The following RAB28 variants were observed in gnomAD, a reference collection of about 807,000 sequenced individuals.
RAB28 encodes RAB28, member RAS oncogene family.
A neutral mutation model predicts 31.7 loss-of-function variants in RAB28; 24 were observed. The observed-to-expected ratio is 0.76, with a 90% confidence interval of 0.55 to 1.06. RAB28 has a LOEUF of 1.06. Ranked by LOEUF, RAB28 falls within the 50% of genes least tolerant of loss-of-function variation. The probability of loss-of-function intolerance (pLI) is 0.00; values close to 1 mark genes in which losing one functional copy is unlikely to be tolerated. For missense variants in RAB28, 254 were observed against 258.5 expected, an observed-to-expected ratio of 0.98 and a Z score of 0.12; for synonymous variants, 100 against 90.4, an observed-to-expected ratio of 1.11 and a Z score of -0.60.
At chr4:13,475,901 C>A (rs1029174628) in intron 2 of RAB28, among the ~76,000 whole-genome samples, 2 of 151,486 alleles carry the variant, frequency 1.3e-5, no homozygotes, top group African/African-American at 4.8e-5. Flanking sequence ...GGCTAGCCAT[C>A]ACTAAGAAGT....
Position 13,484,125 on chromosome 4 carries a change from T to C in RAB28, c.26A>G (p.Gln9Arg). The C allele has an allele frequency of 6.3e-7, 1 of 1,597,956 alleles. No homozygotes were observed. The highest frequency in any genetic ancestry group is 1.1e-5 in the South Asian group (1 of 88,526). Residue 9 changes from glutamine (Q) to arginine (R), a missense_variant, in exon 1 of 7, where the codon CAG becomes CGG. Gln to Arg is a conservative substitution (Grantham distance 43). Transcript: ENST00000330852. Reference sequence around the variant, plus strand: ...CACGACGATTTTCAGTTGCCGGTCCTGGCTCTCCTCCTCAGAGTCCGACAT... The same window carrying C: ...CACGACGATTTTCAGTTGCCGGTCCCGGCTCTCCTCCTCAGAGTCCGACAT... The part of the protein sequence containing the change: MSDSEEES[Q>R]DRQLKIVVLG...
intron 4 of RAB28, among the ~76,000 whole-genome samples, chr4:13,424,479 C>A (rs73819850): frequency 0.061 from 9,226 of 152,224 alleles, 653 homozygotes; most frequent in African/African-American, 0.17. Flanking sequence ...GGTCCACCCT[C>A]ATCAAATATT....
chr4:13,472,616 A>C (rs1716171079), intron 3 of RAB28, among the ~76,000 whole-genome samples: 1 of 151,878 alleles, frequency 6.6e-6, no homozygotes, highest in African/African-American at 2.4e-5. Context: ...TTTGACACCA[A>C]GAGTCAAATT....
chr4:13,420,436 C>T (rs1452532297), intron 4 of RAB28, among the ~76,000 whole-genome samples: 2 of 152,138 alleles, frequency 1.3e-5, no homozygotes, highest in African/African-American at 4.8e-5. Context: ...ATACCAAAGC[C>T]TGGCAGAGAC....
At chr4:13,435,754 C>T (rs1041462277) in intron 4 of RAB28, among the ~76,000 whole-genome samples, 9 of 151,976 alleles carry the variant, frequency 5.9e-5, no homozygotes, top group Non-Finnish European at 1.0e-4. Flanking sequence ...CAAATACTGC[C>T]GCGGACCAGA....
chr4:13,392,426 G>T (rs1386618775), intron 4 of RAB28, among the ~76,000 whole-genome samples: 2 of 152,078 alleles, frequency 1.3e-5, no homozygotes, highest in African/African-American at 4.8e-5. Context: ...TTATATACAA[G>T]AATTTGTCCC....
chr4:13,437,918 A>C (rs1379485510), intron 4 of RAB28, among the ~76,000 whole-genome samples: 1 of 152,198 alleles, frequency 6.6e-6, no homozygotes, highest in Non-Finnish European at 1.5e-5. Context: ...AATACTATTC[A>C]CAATAGTGAA....
At chr4:13,396,380 T>C (rs1300759796) in intron 4 of RAB28, among the ~76,000 whole-genome samples, 1 of 152,068 alleles carries the variant, frequency 6.6e-6, no homozygotes, top group Non-Finnish European at 1.5e-5. Flanking sequence ...TTGTTATTAG[T>C]TGAAGACAGA....
chr4:13,377,461 T>C (rs1276233601), intron 5 of RAB28, among the ~76,000 whole-genome samples: 1 of 152,222 alleles, frequency 6.6e-6, no homozygotes, highest in Admixed American at 6.5e-5. Context: ...AAGAAGCATA[T>C]TTTAGTTCAC....
chr4:13,376,636 A>T lies in RAB28; in HGVS notation c.496-14T>A. 6.4e-7 allele frequency: 1 copy of T among 1,557,488 alleles called. No individual in the cohort carries two copies. The highest frequency in any genetic ancestry group is 8.7e-7 in the Non-Finnish European group (1 of 1,149,130). Reference sequence around the variant, plus strand: ...GCACAGGAAGACCTACATAACAAAAATGGGTTTAAATGATTTAAAAGAGGC... The same window carrying T: ...GCACAGGAAGACCTACATAACAAAATTGGGTTTAAATGATTTAAAAGAGGC... On this transcript the variant is annotated splice_polypyrimidine_tract_variant and intron_variant, in intron 5 of 6. Transcript: ENST00000330852.
chr4:13,447,539 T>C (rs1354994612), intron 4 of RAB28, among the ~76,000 whole-genome samples: 2 of 152,198 alleles, frequency 1.3e-5, no homozygotes, highest in Non-Finnish European at 2.9e-5. Context: ...TACACATTCA[T>C]GTGAAATTTC....
intron 4 of RAB28, among the ~76,000 whole-genome samples, chr4:13,416,394 C>T (rs1027948942): frequency 2.6e-5 from 4 of 152,198 alleles, no homozygotes; most frequent in East Asian, 1.9e-4. Flanking sequence ...ACTCCAGACA[C>T]GCCGCCTTTA....
At chr4:13,472,642 T>C (rs1716171613) in intron 3 of RAB28, among the ~76,000 whole-genome samples, 1 of 151,860 alleles carries the variant, frequency 6.6e-6, no homozygotes, top group Admixed American at 6.6e-5. Flanking sequence ...AGAAGTTAGA[T>C]CTAATCTTCA....
intron 4 of RAB28, among the ~76,000 whole-genome samples, chr4:13,390,662 A>G (rs1276162611): frequency 6.6e-6 from 1 of 152,168 alleles, no homozygotes; most frequent in Non-Finnish European, 1.5e-5. Flanking sequence ...CTATACTACA[A>G]GGCTACAGTA....
intron 4 of RAB28, among the ~76,000 whole-genome samples, chr4:13,416,526 A>C (rs1220308536): frequency 3.9e-5 from 6 of 152,194 alleles, no homozygotes; most frequent in Non-Finnish European, 7.3e-5. Context: ...GATAAATTCT[A>C]AGAGAATAGA....
chr4:13,471,835 T>C (rs1044485278), intron 3 of RAB28, among the ~76,000 whole-genome samples: 1 of 151,944 alleles, frequency 6.6e-6, no homozygotes, highest in Admixed American at 6.6e-5. Flanking sequence ...AACGATAAAA[T>C]GCACCACCAA....
chr4:13,438,803 C>T (rs1414236693), intron 4 of RAB28, among the ~76,000 whole-genome samples: 4 of 150,226 alleles, frequency 2.7e-5, no homozygotes, highest in Non-Finnish European at 2.9e-5. Flanking sequence ...ACTGTTAGGT[C>T]ATAAGGTAAC....
intron 5 of RAB28, 56 bp downstream of exon 5, chr4:13,381,435 G>A (rs1577155137): frequency 7.9e-7 from 1 of 1,268,644 alleles, no homozygotes; most frequent in East Asian, 2.3e-5. Context: ...ATACTTCCTA[G>A]GAATGTTAGT....
Position 13,395,687 on chromosome 4 carries a change from C to A in RAB28, c.392-14093G>T, listed in dbSNP as rs566414293. Among the ~76,000 whole-genome samples, 6 of 152,146 alleles carry A rather than the reference C, an allele frequency of 3.9e-5. No homozygotes were observed. The South Asian group carries it at 8.3e-4, about 21-fold the overall frequency. The stretch of plus-strand genomic sequence containing the variant: ...ATTAAATGTAATAAATATTTTTAAA[C>A]TAGACATATCAAATGTATCAGAGCT... On this transcript the variant is annotated intron_variant, in intron 4 of 6. Coordinates refer to ENST00000330852, the MANE Select transcript of RAB28 (RefSeq NM_001017979.3).
Sources: allele counts gnomAD v4.1 joint callset (sites outside exome capture counted in the v4.1 genomes callset), GRCh38; gene constraint gnomAD v4.1.1; transcripts MANE v1.5; gene names NCBI Gene and HGNC (gene_info 2026-07-23, HGNC 2026-07-21).